Variants in RGPD5 observed in about 807,000 individuals in gnomAD.
RGPD5 encodes RANBP2 like and GRIP domain containing 5.
At chr2:109,766,220 C>T in the RGPD5 span, among the ~76,000 whole-genome samples, 1 of 151,294 alleles carries the variant, frequency 6.6e-6, no homozygotes, top group African/African-American at 2.4e-5. Flanking sequence ...AGAAGAGTGG[C>T]TTCCAGGGCT....
At chr2:109,763,258 G>C in the RGPD5 span, among the ~76,000 whole-genome samples, 3 of 150,406 alleles carry the variant, frequency 2.0e-5, no homozygotes, top group African/African-American at 7.3e-5. Context: ...ATCAGACACT[G>C]TTCTGAGTAC....
chr2:109,764,817 A>G, the RGPD5 span, among the ~76,000 whole-genome samples: 2 of 122,878 alleles, frequency 1.6e-5, 1 homozygote, highest in Non-Finnish European at 3.3e-5. Context: ...CTAAAAGATC[A>G]TTTTATGCAT....
At chr2:109,765,386 C>CT in the RGPD5 span, among the ~76,000 whole-genome samples, 21 of 150,344 alleles carry the variant, frequency 1.4e-4, 1 homozygote, top group Non-Finnish European at 1.2e-4. Context: ...CTTTCTCTTT[C>CT]TTTTTTTTAA....
At chr2:109,799,213 T>G (rs1370050941) in intron 1 of RGPD5, among the ~76,000 whole-genome samples, 1 of 91,244 alleles carries the variant, frequency 1.1e-5, no homozygotes. Flanking sequence ...CACTCCAGCC[T>G]GGCGACAGAG....
chr2:109,794,682 G>C (rs1255309958), intron 1 of RGPD5, 145 bp downstream of exon 1: 1 of 727,396 alleles, frequency 1.4e-6, no homozygotes, highest in Non-Finnish European at 1.6e-6. Context: ...TCCGTGGCGC[G>C]CTCTGTTGAG....
In RGPD5 at chr2:109,799,164, G is replaced by A. The variant is rs1290427769; in HGVS notation, c.73-2619G>A. On this transcript the variant is annotated intron_variant, in intron 1 of 22. Coordinates refer to ENST00000016946, the MANE Select transcript of RGPD5 (RefSeq NM_005054.3). The stretch of plus-strand genomic sequence containing the variant: ...GCGCCTGTAGTCCCAGCTTGTACCC[G>A]GGACGCAGAGGTTGCAGTGAGCTGA... Among the ~76,000 whole-genome samples the A allele has an allele frequency of 2.3e-4, 17 of 73,310 alleles. No individual in the cohort carries two copies. In the East Asian group the frequency reaches 3.7e-3, roughly 16 times the overall value. 48.1% of individuals were successfully genotyped at this position (73,310 alleles called of 152,430 possible).
chr2:109,761,241 C>T, the RGPD5 span, among the ~76,000 whole-genome samples: 1 of 147,132 alleles, frequency 6.8e-6, no homozygotes, highest in Non-Finnish European at 1.5e-5. Flanking sequence ...CCGCCTGCGC[C>T]CGGTCTCGGC....
chr2:109,767,443 T>G, the RGPD5 span, among the ~76,000 whole-genome samples: 2 of 132,314 alleles, frequency 1.5e-5, no homozygotes, highest in African/African-American at 5.6e-5. Flanking sequence ...TGTATTGCAT[T>G]ACCAACCATT....
the RGPD5 span, among the ~76,000 whole-genome samples, chr2:109,767,356 T>C: frequency 6.7e-6 from 1 of 148,338 alleles, no homozygotes; most frequent in African/African-American, 2.5e-5. Context: ...CAGACAAATA[T>C]GCTCTTACTT....
chr2:109,761,681 A>T, the RGPD5 span, among the ~76,000 whole-genome samples: 4 of 147,174 alleles, frequency 2.7e-5, no homozygotes, highest in African/African-American at 1.0e-4. Context: ...AAATGTTTCC[A>T]ACCAGCACTA....
At chr2:109,766,712 G>GAAA in the RGPD5 span, among the ~76,000 whole-genome samples, 1 of 144,224 alleles carries the variant, frequency 6.9e-6, no homozygotes, top group African/African-American at 2.6e-5. Context: ...GGCAAATTAA[G>GAAA]AAAAAAAACC....
intron 1 of RGPD5, 71 bp downstream of exon 1, chr2:109,794,608 C>CGGCGGCGGCCGGG: frequency 5.4e-6 from 1 of 186,094 alleles, no homozygotes; most frequent in African/African-American, 8.6e-5. Flanking sequence ...GCGGCGGCGG[C>CGGCGGCGGCCGGG]GGGGGGGGCG....
chr2:109,761,923 A>G, the RGPD5 span, among the ~76,000 whole-genome samples: 1 of 151,436 alleles, frequency 6.6e-6, no homozygotes, highest in African/African-American at 2.4e-5. Context: ...TGCAATGTAC[A>G]ATTTTAAAGC....
At chr2:109,763,398 T>C in the RGPD5 span, among the ~76,000 whole-genome samples, 1 of 150,160 alleles carries the variant, frequency 6.7e-6, no homozygotes, top group African/African-American at 2.4e-5. Context: ...GGGGCAGCCA[T>C]ATTTCAACCA....
At chr2:109,765,762 C>T in the RGPD5 span, among the ~76,000 whole-genome samples, 4 of 150,932 alleles carry the variant, frequency 2.7e-5, no homozygotes, top group African/African-American at 9.8e-5. Context: ...GTTTAGTCTC[C>T]CTAAGGATGC....
At chr2:109,766,664 A>G in the RGPD5 span, among the ~76,000 whole-genome samples, 1 of 148,550 alleles carries the variant, frequency 6.7e-6, no homozygotes, top group Admixed American at 7.0e-5. Flanking sequence ...ACACTTGAGC[A>G]ACTTGAACAA....
At chr2:109,766,637 A>G in the RGPD5 span, among the ~76,000 whole-genome samples, 1 of 149,880 alleles carries the variant, frequency 6.7e-6, no homozygotes, top group Non-Finnish European at 1.5e-5. Flanking sequence ...TGTTAACCAC[A>G]ATGGGTCTAA....
chr2:109,773,328 A>AG, the RGPD5 span, among the ~76,000 whole-genome samples: 8 of 143,730 alleles, frequency 5.6e-5, no homozygotes, highest in African/African-American at 2.2e-4. Flanking sequence ...AGTGAGGGTG[A>AG]AAGAATGGAT....
At chr2:109,763,181 T>C in the RGPD5 span, among the ~76,000 whole-genome samples, 1 of 150,114 alleles carries the variant, frequency 6.7e-6, no homozygotes, top group Non-Finnish European at 1.5e-5. Context: ...TAAATGACTT[T>C]ACTGAGGTCA....
Sources: gnomAD v4.1 joint callset for allele counts (sites outside exome capture counted in the v4.1 genomes callset) on GRCh38, gnomAD v4.1.1 for gene constraint, MANE v1.5 for transcripts, NCBI Gene and HGNC (gene_info 2026-07-23, HGNC 2026-07-21) for gene names.